The following GMDS variants were observed in gnomAD, a reference collection of about 807,000 sequenced individuals.
GMDS encodes the protein GDP-mannose 4,6 dehydratase.
Under a neutral mutation model 49.9 loss-of-function variants are expected in GMDS, and 20 were observed. The observed-to-expected ratio is 0.40, with a 90% CI of 0.28 to 0.58. The LOEUF is 0.58. GMDS is among the 20% of genes least tolerant of loss of function. GMDS has a pLI of 0.42. For missense variants in GMDS, 362 were observed against 481.4 expected (o/e 0.75, Z 2.32); for synonymous variants, 177 against 178.6 (o/e 0.99, Z 0.07).
At chr6:1,752,274 G>T (rs910910114) in intron 7 of GMDS, among the ~76,000 whole-genome samples, 7 of 152,272 alleles carry the variant, frequency 4.6e-5, no homozygotes, top group African/African-American at 1.4e-4. Flanking sequence ...TCAAGTGGAA[G>T]AAAGGATATC....
chr6:1,964,800 G>C lies in GMDS; in HGVS notation c.346-3834C>G, dbSNP rs561097831. Among the ~76,000 whole-genome samples, 11 of 152,130 alleles carry C rather than the reference G, an allele frequency of 7.2e-5. No homozygotes were observed. The South Asian group carries it at 2.3e-3, about 32-fold the overall frequency. The stretch of plus-strand genomic sequence containing the variant: ...CCAGTAACTCGTCATTTAGCATTAG[G>C]TATATCTCCTAAAGCTATCCCTCCC... On this transcript the variant is annotated intron_variant, in intron 4 of 10. Coordinates refer to ENST00000380815, the MANE Select transcript of GMDS (RefSeq NM_001500.4).
At chr6:2,064,173 T>C (rs1400552446) in intron 4 of GMDS, among the ~76,000 whole-genome samples, 1 of 151,162 alleles carries the variant, frequency 6.6e-6, no homozygotes, top group East Asian at 1.9e-4. Context: ...ACCTGAAAAG[T>C]AGACCCTGCA....
intron 1 of GMDS, among the ~76,000 whole-genome samples, chr6:2,171,471 G>A (rs1274560429): frequency 2.6e-5 from 4 of 152,198 alleles, no homozygotes; most frequent in East Asian, 1.9e-4. Flanking sequence ...AATGGCAGAT[G>A]TGTTGATGAT....
At chr6:1,927,327 AT>A (rs200253142) in intron 7 of GMDS, among the ~76,000 whole-genome samples, 2 of 28,500 alleles carry the variant, frequency 7.0e-5, no homozygotes, top group African/African-American at 1.3e-4. Context: ...GTGTTGGTGT[AT>A]TTTTATTCGG....
rs958320337 is a variant in GMDS, at chr6:1,833,435, G to C, written c.772-90849C>G. On this transcript the variant is annotated intron_variant, in intron 7 of 10. Transcript: ENST00000380815. This position sits in a 1 kb window ranked among gnomAD's most constrained non-coding sequence, Gnocchi z 4.4. ...TCACTATTTCATGGCACAATGAGGG[G>C]AGGAGGACGCTGTAATAAAAACTTT... is the stretch of plus-strand genomic sequence containing the variant. 2.0e-5 allele frequency among the ~76,000 whole-genome samples: 3 copies of C among 152,152 alleles called. No individual in the cohort carries two copies. Among genetic ancestry groups the C allele is most frequent in the Admixed American group, 2.0e-4 (3 of 15,290 alleles).
chr6:1,704,679 G>A (rs531432465), intron 9 of GMDS, among the ~76,000 whole-genome samples: 9 of 152,312 alleles, frequency 5.9e-5, no homozygotes, highest in African/African-American at 1.7e-4. Flanking sequence ...ATACGTACGC[G>A]GTAAGTGCTC....
chr6:2,242,571 C>T (rs1325559261), intron 1 of GMDS, among the ~76,000 whole-genome samples: 1 of 152,160 alleles, frequency 6.6e-6, no homozygotes, highest in Non-Finnish European at 1.5e-5. Context: ...CATGATAGCC[C>T]CAAGTGCCAG....
chr6:2,205,619 G>A (rs1779770986), intron 1 of GMDS, among the ~76,000 whole-genome samples: 1 of 152,160 alleles, frequency 6.6e-6, no homozygotes, highest in Admixed American at 6.5e-5. Flanking sequence ...TACAAGTCCT[G>A]CACAATGCAG....
chr6:2,084,524 T>C (rs935347071), intron 4 of GMDS, among the ~76,000 whole-genome samples: 1 of 152,194 alleles, frequency 6.6e-6, no homozygotes, highest in African/African-American at 2.4e-5. Context: ...TTCTTTTTTT[T>C]GAGACGGAGT....
At position 2,217,491 on chromosome 6, in the gene GMDS, T is replaced by C. The variant is rs138082178; in HGVS notation, c.102+27830A>G. ...TTTAACTTTAAGGGAGAAACACATA[T>C]AATCTCATTAACTTGCTTTTGAACT... On this transcript the variant is annotated intron_variant, in intron 1 of 10. Coordinates refer to ENST00000380815, the MANE Select transcript of GMDS (RefSeq NM_001500.4). Among the ~76,000 whole-genome samples, 109 of 152,320 alleles carry C rather than the reference T, an allele frequency of 7.2e-4. 1 individual carries two copies. The highest frequency in any genetic ancestry group is 2.4e-3 in the African/African-American group (99 of 41,584).
chr6:1,754,174 T>C (rs777711504), intron 7 of GMDS, among the ~76,000 whole-genome samples: 6 of 151,972 alleles, frequency 3.9e-5, no homozygotes, highest in Non-Finnish European at 5.9e-5. Flanking sequence ...AAGAATCAAA[T>C]AGACACAATA....
intron 7 of GMDS, among the ~76,000 whole-genome samples, chr6:1,761,677 C>G (rs1768162408): frequency 1.3e-5 from 2 of 152,112 alleles, no homozygotes; most frequent in Non-Finnish European, 2.9e-5. Flanking sequence ...CAATGAGTGT[C>G]AAAATATTGT....
chr6:1,947,816 A>G (rs1264188627), intron 6 of GMDS, among the ~76,000 whole-genome samples: 2 of 152,218 alleles, frequency 1.3e-5, no homozygotes, highest in Non-Finnish European at 1.5e-5. Context: ...TCAATATCCC[A>G]CAAGTTACTT....
At chr6:2,073,672 C>A (rs1772148032) in intron 4 of GMDS, among the ~76,000 whole-genome samples, 1 of 152,214 alleles carries the variant, frequency 6.6e-6, no homozygotes, top group Non-Finnish European at 1.5e-5. Context: ...GCCACCCACA[C>A]ATCCTTCCCA....
At position 1,630,931 on chromosome 6, in the gene GMDS, G is replaced by A. The variant is rs375864336; in HGVS notation, c.988-6391C>T. Among the ~76,000 whole-genome samples, 6 of 152,296 alleles carry A rather than the reference G, an allele frequency of 3.9e-5. No individual in the cohort carries two copies. In the South Asian group the frequency reaches 8.3e-4, roughly 21 times the overall value. ...TGCGGGGGCCATTTAATGAAAAGGA[G>A]ATAAGGTTGTCAGTGACCTCAGCAT... On this transcript the variant is annotated intron_variant, in intron 9 of 10. Transcript: ENST00000380815.
In GMDS at chr6:1,666,637, C is replaced by T. The variant is rs529643713; in HGVS notation, c.988-42097G>A. ...GTGGTGTGATCACTAATGGAATCAC[C>T]GAGTTTCCACAGAATGAAAAGGACC... On this transcript the variant is annotated intron_variant, in intron 9 of 10. Coordinates refer to ENST00000380815, the MANE Select transcript of GMDS (RefSeq NM_001500.4). Among the ~76,000 whole-genome samples, 14 of 152,236 alleles carry T rather than the reference C, an allele frequency of 9.2e-5. No individual in the cohort carries two copies. In the South Asian group the frequency reaches 1.7e-3, roughly 18 times the overall value.
rs527929993 is a variant in GMDS at position 2,091,241 on chromosome 6, T to C, written c.345+24530A>G. ...AAACTACCATTAGCTGTATAATACA[T>C]AGGCTCATACATTTAACAACTTCAA... On this transcript the variant is annotated intron_variant, in intron 4 of 10. Coordinates refer to ENST00000380815, the MANE Select transcript of GMDS (RefSeq NM_001500.4). 5.9e-5 allele frequency among the ~76,000 whole-genome samples: 9 copies of C among 152,342 alleles called. No individual in the cohort carries two copies. The South Asian group carries it at 1.2e-3, about 21-fold the overall frequency.
chr6:1,819,824 A>C (rs1770821310), intron 7 of GMDS, among the ~76,000 whole-genome samples: 1 of 149,756 alleles, frequency 6.7e-6, no homozygotes, highest in African/African-American at 2.4e-5. Flanking sequence ...TTTCTCATAG[A>C]GATAGAATAT....
chr6:2,049,492 C>T (rs1026211987), intron 4 of GMDS, among the ~76,000 whole-genome samples: 1 of 152,154 alleles, frequency 6.6e-6, no homozygotes, highest in Non-Finnish European at 1.5e-5. Flanking sequence ...TAATCTCCCC[C>T]AACACAAATG....
Sources: allele counts gnomAD v4.1 joint callset (sites outside exome capture counted in the v4.1 genomes callset), GRCh38; gene constraint gnomAD v4.1.1; non-coding constraint Gnocchi (gnomAD v3.1); transcripts MANE v1.5; gene names NCBI Gene and HGNC (gene_info 2026-07-23, HGNC 2026-07-21).